Variants in LRP1B observed in about 807,000 individuals in gnomAD.
The protein encoded by LRP1B is low-density lipoprotein receptor-related protein 1B.
Under a neutral mutation model 556.6 loss-of-function variants are expected in LRP1B, and 217 were observed. The ratio of observed to expected loss-of-function variants is 0.39; its 90% CI spans 0.35 to 0.44. The LOEUF (loss-of-function observed/expected upper bound fraction) is 0.44. Among genes scored for constraint, LRP1B ranks in the 20% least tolerant of loss-of-function variants. The pLI is 1.00. For missense variants in LRP1B, 5,053 were observed against 5,620.8 expected (o/e 0.90, Z 3.23); for synonymous variants, 2,047 against 1,865.8 (o/e 1.10, Z -2.50).
chr2:140,317,561 A>G (rs1376000408), intron 82 of LRP1B, among the ~76,000 whole-genome samples: 1 of 152,184 alleles, frequency 6.6e-6, no homozygotes, highest in Non-Finnish European at 1.5e-5. Flanking sequence ...GGGAATCTCC[A>G]GCAAATAATT....
intron 6 of LRP1B, among the ~76,000 whole-genome samples, chr2:141,219,075 T>C (rs1481212418): frequency 6.6e-6 from 1 of 152,186 alleles, no homozygotes; most frequent in African/African-American, 2.4e-5. Flanking sequence ...GATCTGTACA[T>C]CCTGTGGATC....
intron 2 of LRP1B, among the ~76,000 whole-genome samples, chr2:141,717,673 C>T (rs1692657069): frequency 6.6e-6 from 1 of 152,100 alleles, no homozygotes. Flanking sequence ...CGCACTTACC[C>T]CAGTCATGGG....
At chr2:141,353,276 T>C (rs1197810075) in intron 3 of LRP1B, among the ~76,000 whole-genome samples, 1 of 151,950 alleles carries the variant, frequency 6.6e-6, no homozygotes, top group African/African-American at 2.4e-5. Flanking sequence ...CTTGTCATTC[T>C]TTCATGACCT....
chr2:140,358,575 T>C (rs2105136841), intron 73 of LRP1B, among the ~76,000 whole-genome samples: 1 of 151,798 alleles, frequency 6.6e-6, no homozygotes, highest in East Asian at 1.9e-4. Flanking sequence ...AAAATCTCTA[T>C]ATTGTTTCTC....
chr2:141,586,300 C>A (rs1234223422), intron 2 of LRP1B, among the ~76,000 whole-genome samples: 3 of 152,096 alleles, frequency 2.0e-5, no homozygotes, highest in African/African-American at 7.2e-5. Context: ...TGGATAGATT[C>A]TTAGCATCAA....
At chr2:141,954,450 G>A (rs746294576) in intron 1 of LRP1B, among the ~76,000 whole-genome samples, 19 of 152,016 alleles carry the variant, frequency 1.2e-4, no homozygotes, top group South Asian at 2.1e-4. Flanking sequence ...CATAACCTGG[G>A]TCAAACTGCC....
intron 17 of LRP1B, among the ~76,000 whole-genome samples, chr2:140,987,477 G>A (rs965938112): frequency 2.6e-5 from 4 of 152,014 alleles, no homozygotes; most frequent in Admixed American, 1.3e-4. Context: ...ATACATAAAC[G>A]TTTTTACTTT....
intron 7 of LRP1B, among the ~76,000 whole-genome samples, chr2:141,063,647 TC>T (rs1699401835): frequency 6.6e-6 from 1 of 151,706 alleles, no homozygotes; most frequent in Non-Finnish European, 1.5e-5. Flanking sequence ...CTCTCTCTCT[TC>T]CTGCTTCCAT....
At chr2:141,430,189 C>G (rs1474993686) in intron 3 of LRP1B, among the ~76,000 whole-genome samples, 1 of 112,998 alleles carries the variant, frequency 8.8e-6, no homozygotes. Context: ...TTACAGATTT[C>G]TCAAAAGTCA....
intron 2 of LRP1B, among the ~76,000 whole-genome samples, chr2:141,576,809 G>A (rs2105272495): frequency 6.9e-6 from 1 of 144,910 alleles, no homozygotes; most frequent in South Asian, 2.2e-4. Context: ...TAATACTCAG[G>A]TCTTTTCTTT....
intron 2 of LRP1B, among the ~76,000 whole-genome samples, chr2:141,753,196 C>T (rs184574079): frequency 3.7e-4 from 51 of 137,334 alleles, no homozygotes; most frequent in African/African-American, 1.4e-3. Context: ...TGCGGTGAGC[C>T]CAGATTGCAC....
intron 57 of LRP1B, among the ~76,000 whole-genome samples, chr2:140,488,906 G>C (rs1688587977): frequency 6.6e-6 from 1 of 151,908 alleles, no homozygotes; most frequent in South Asian, 2.1e-4. Context: ...GTTGCCGGGA[G>C]GAGGGAGAAA....
intron 2 of LRP1B, among the ~76,000 whole-genome samples, chr2:141,771,175 T>C (rs1320584085): frequency 6.6e-6 from 1 of 152,198 alleles, no homozygotes; most frequent in African/African-American, 2.4e-5. Context: ...AGGAAATATA[T>C]TGGATTTAGG....
At chr2:141,174,226 C>T (rs1487871886) in intron 7 of LRP1B, among the ~76,000 whole-genome samples, 1 of 152,064 alleles carries the variant, frequency 6.6e-6, no homozygotes, top group African/African-American at 2.4e-5. Context: ...TGAACTTCCT[C>T]ATGGTGTTTC....
At chr2:142,057,660 C>A (rs1190700209) in intron 1 of LRP1B, among the ~76,000 whole-genome samples, 2 of 151,998 alleles carry the variant, frequency 1.3e-5, no homozygotes, top group Admixed American at 6.6e-5. Flanking sequence ...TAATACTTGG[C>A]AAGAGTATAA....
rs11352164 is a variant in LRP1B, at chr2:140,803,260, GTTTTTTTTTTTTTT to G, written c.5359+10383_5359+10396del. Among the ~76,000 whole-genome samples, 80 of 102,242 alleles carry G rather than the reference GTTTTTTTTTTTTTT, an allele frequency of 7.8e-4. 2 individuals carry two copies. Among genetic ancestry groups the G allele is most frequent in the Non-Finnish European group, 1.1e-3 (64 of 57,422 alleles). The allele number at this position is 102,242 out of a possible 152,430, so 67.1% of individuals were successfully genotyped here. A position where few individuals can be genotyped will look rare whatever the true frequency, so the allele number is the denominator to read the frequency against. On this transcript the variant is annotated intron_variant, in intron 32 of 90. Transcript: ENST00000389484. ...GTGGTCAGTATTAGTCCTATTGAAAGTTTTTTTTTTTTTTTTTTTTTTTTTTTTTTCCGAGATGG... is the reference window on the plus strand; with the variant it reads ...GTGGTCAGTATTAGTCCTATTGAAAGTTTTTTTTTTTTTTTTCCGAGATGG...
chr2:140,492,393 A>G (rs1688739013), intron 57 of LRP1B, among the ~76,000 whole-genome samples: 1 of 152,208 alleles, frequency 6.6e-6, no homozygotes. Context: ...CTTGTTCTAG[A>G]CAGTGCTTTC....
chr2:142,027,712 G>A lies in LRP1B; in HGVS notation c.82+102936C>T, dbSNP rs78193857. Reference sequence around the variant, plus strand: ...CACACACACACAGAGATAAAGTAACGTGCCCAAGACTACATAGCTTGAAAG... The same window carrying A: ...CACACACACACAGAGATAAAGTAACATGCCCAAGACTACATAGCTTGAAAG... On this transcript the variant is annotated intron_variant, in intron 1 of 90. Coordinates refer to ENST00000389484, the MANE Select transcript of LRP1B (RefSeq NM_018557.3). Among the ~76,000 whole-genome samples, 385 of 143,688 alleles carry A rather than the reference G, an allele frequency of 2.7e-3. 2 individuals carry two copies. The highest frequency in any genetic ancestry group is 7.6e-3 in the Middle Eastern group (2 of 264). The allele number at this position is 143,688 out of a possible 152,430, so 94.3% of individuals were successfully genotyped here.
At chr2:141,072,294 C>A (rs1022661576) in intron 7 of LRP1B, among the ~76,000 whole-genome samples, 1 of 152,102 alleles carries the variant, frequency 6.6e-6, no homozygotes, top group East Asian at 1.9e-4. Flanking sequence ...CATCTACAAT[C>A]TTCTGATTCT....
Sources: allele counts gnomAD v4.1 joint callset (sites outside exome capture counted in the v4.1 genomes callset), GRCh38; gene constraint gnomAD v4.1.1; transcripts MANE v1.5; gene names NCBI Gene and HGNC (gene_info 2026-07-23, HGNC 2026-07-21).